The following CTNNBL1 variants were observed in gnomAD, a reference collection of about 807,000 sequenced individuals.
CTNNBL1 encodes the protein catenin beta like 1, also known as beta-catenin-like protein 1.
Under a neutral mutation model 72.7 loss-of-function variants are expected in CTNNBL1, and 31 were observed. The observed-to-expected ratio is 0.43, with a 90% CI of 0.32 to 0.58. The LOEUF (loss-of-function observed/expected upper bound fraction) is 0.58. Ranked by LOEUF, CTNNBL1 falls within the 20% of genes least tolerant of loss-of-function variation. The probability of loss-of-function intolerance (pLI) is 0.08; values close to 1 mark genes in which losing one functional copy is unlikely to be tolerated. For synonymous variants in CTNNBL1, 240 were observed against 267.3 expected, an observed-to-expected ratio of 0.90 and a Z score of 1.00; for missense variants, 534 against 725.1, an observed-to-expected ratio of 0.74 and a Z score of 3.03.
intron 15 of CTNNBL1, among the ~76,000 whole-genome samples, chr20:37,863,255 A>G (rs1036968633): frequency 6.6e-5 from 10 of 152,186 alleles, no homozygotes; most frequent in African/African-American, 2.4e-4. Context: ...ATGATTGACC[A>G]TAATCCAAGC....
chr20:37,713,334 T>G (rs1184826199), intron 1 of CTNNBL1, among the ~76,000 whole-genome samples: 2 of 152,080 alleles, frequency 1.3e-5, no homozygotes, highest in Non-Finnish European at 2.9e-5. Flanking sequence ...AATTGGTAAT[T>G]TTTTCCCCCT....
At chr20:37,759,569 T>G (rs374430882) in intron 5 of CTNNBL1, among the ~76,000 whole-genome samples, 2 of 152,226 alleles carry the variant, frequency 1.3e-5, no homozygotes, top group African/African-American at 4.8e-5. Flanking sequence ...ACCCTCAGTC[T>G]GGGGAGCCAC....
intron 13 of CTNNBL1, among the ~76,000 whole-genome samples, chr20:37,857,304 G>A (rs1217345839): frequency 1.3e-5 from 2 of 152,224 alleles, no homozygotes; most frequent in Non-Finnish European, 2.9e-5. Context: ...AATGAAGCTA[G>A]GAATTAGTGT....
At chr20:37,795,221 GCCT>G (rs901551222) in intron 10 of CTNNBL1, among the ~76,000 whole-genome samples, 1 of 150,254 alleles carries the variant, frequency 6.7e-6, no homozygotes, top group Non-Finnish European at 1.5e-5. Context: ...TGAAGCCTCT[GCCT>G]CCTCCTCTAC....
At chr20:37,831,750 T>C (rs2072211910) in intron 11 of CTNNBL1, among the ~76,000 whole-genome samples, 1 of 152,170 alleles carries the variant, frequency 6.6e-6, no homozygotes, top group African/African-American at 2.4e-5. Context: ...TCTTAGTACT[T>C]GCTACATTGC....
chr20:37,806,202 T>C (rs1352122843), intron 11 of CTNNBL1, among the ~76,000 whole-genome samples: 1 of 152,192 alleles, frequency 6.6e-6, no homozygotes, highest in African/African-American at 2.4e-5. Flanking sequence ...TGACCTTCCC[T>C]ATAGGCAAGG....
intron 10 of CTNNBL1, among the ~76,000 whole-genome samples, chr20:37,798,896 A>G (rs2073800945): frequency 6.6e-6 from 1 of 152,176 alleles, no homozygotes; most frequent in Non-Finnish European, 1.5e-5. Context: ...TCAATGTCCT[A>G]AATTTTGCTC....
rs567112103 is a variant in CTNNBL1, at chr20:37,762,710, G to A, written c.565-2487G>A. 5.3e-5 allele frequency among the ~76,000 whole-genome samples: 8 copies of A among 152,284 alleles called. No homozygotes were observed. The South Asian group carries it at 8.3e-4, about 16-fold the overall frequency. On this transcript the variant is annotated intron_variant, in intron 5 of 15. Coordinates refer to ENST00000361383, the MANE Select transcript of CTNNBL1 (RefSeq NM_030877.5). ...ATGCTAATATGTACTTTTACTGAGC[G>A]ATATCCAGAGCTATGCATAATATAA...
At chr20:37,801,407 C>G (rs926491482) in intron 10 of CTNNBL1, among the ~76,000 whole-genome samples, 2 of 152,146 alleles carry the variant, frequency 1.3e-5, no homozygotes, top group African/African-American at 2.4e-5. Flanking sequence ...TTGCTTCTCT[C>G]TACTTCAGAG....
chr20:37,788,798 T>C (rs1741713069), intron 10 of CTNNBL1, among the ~76,000 whole-genome samples: 1 of 152,242 alleles, frequency 6.6e-6, no homozygotes, highest in Non-Finnish European at 1.5e-5. Flanking sequence ...AGATTTGTAG[T>C]CTCTGAGCTT....
At chr20:37,769,335 G>T (rs918639022) in intron 7 of CTNNBL1, among the ~76,000 whole-genome samples, 1 of 152,152 alleles carries the variant, frequency 6.6e-6, no homozygotes, top group Admixed American at 6.5e-5. Context: ...TATTCCCACT[G>T]ATTTATCATA....
chr20:37,716,562 A>G (rs933524932), intron 1 of CTNNBL1, among the ~76,000 whole-genome samples: 2 of 152,194 alleles, frequency 1.3e-5, no homozygotes, highest in Non-Finnish European at 2.9e-5. Flanking sequence ...GCTTCCAGAA[A>G]TATTTTACTA....
chr20:37,720,550 A>C (rs1269034060), intron 1 of CTNNBL1, among the ~76,000 whole-genome samples: 1 of 152,228 alleles, frequency 6.6e-6, no homozygotes, highest in Non-Finnish European at 1.5e-5. Context: ...GTTTTGAAAA[A>C]CAGAAAAATA....
chr20:37,798,039 A>G lies in CTNNBL1; in HGVS notation c.1032-4828A>G, dbSNP rs76920608. Among the ~76,000 whole-genome samples, 142 of 152,148 alleles carry G rather than the reference A, an allele frequency of 9.3e-4. 1 individual carries two copies. Among genetic ancestry groups the G allele is most frequent in the African/African-American group, 3.2e-3 (131 of 41,500 alleles). On this transcript the variant is annotated intron_variant, in intron 10 of 15. Coordinates refer to ENST00000361383, the MANE Select transcript of CTNNBL1 (RefSeq NM_030877.5). ...TTCCTGCGTTCACTCTGCTTTGTAT[A>G]TACCTCCACCGTAGGACTTAGCTTT...
chr20:37,737,848 G>T (rs539700814), intron 3 of CTNNBL1, among the ~76,000 whole-genome samples: 4 of 152,200 alleles, frequency 2.6e-5, no homozygotes, highest in Non-Finnish European at 4.4e-5. Context: ...GTCCAGGGAA[G>T]CCCATTTCAG....
chr20:37,864,034 G>C (rs1425002980), intron 15 of CTNNBL1, among the ~76,000 whole-genome samples: 1 of 152,168 alleles, frequency 6.6e-6, no homozygotes, highest in African/African-American at 2.4e-5. Context: ...CCCCTGAACA[G>C]GGTGCTGCAA....
chr20:37,710,735 C>G (rs1600436251), intron 1 of CTNNBL1, among the ~76,000 whole-genome samples: 1 of 152,284 alleles, frequency 6.6e-6, no homozygotes, highest in Admixed American at 6.5e-5. Context: ...TAGCCATTTA[C>G]CTGTCTGATT....
At chr20:37,854,640 G>C (rs1174266322) in intron 13 of CTNNBL1, among the ~76,000 whole-genome samples, 5 of 150,828 alleles carry the variant, frequency 3.3e-5, no homozygotes, top group African/African-American at 1.2e-4. Context: ...CCCAGGCTGA[G>C]TGCAGTGGCG....
intron 1 of CTNNBL1, among the ~76,000 whole-genome samples, chr20:37,711,753 A>T (rs2072939942): frequency 6.6e-6 from 1 of 151,882 alleles, no homozygotes; most frequent in South Asian, 2.1e-4. Flanking sequence ...AGACATATGA[A>T]GAGCTGTGGG....
Sources: allele counts gnomAD v4.1 joint callset (sites outside exome capture counted in the v4.1 genomes callset), GRCh38; gene constraint gnomAD v4.1.1; transcripts MANE v1.5; gene names NCBI Gene and HGNC (gene_info 2026-07-23, HGNC 2026-07-21).